The following NRG3 variants were observed in gnomAD, a reference collection of about 807,000 sequenced individuals.
The protein encoded by NRG3 is pro-neuregulin-3, membrane-bound isoform.
Under a neutral mutation model 66.9 loss-of-function variants are expected in NRG3, and 31 were observed. The ratio of observed to expected loss-of-function variants is 0.46; its 90% confidence interval spans 0.35 to 0.63. The LOEUF (loss-of-function observed/expected upper bound fraction) is 0.63. NRG3 is among the 20% of genes least tolerant of loss of function. The pLI is 0.00. For synonymous variants in NRG3, 393 were observed against 359.4 expected (o/e 1.09, Z -1.06); for missense variants, 910 against 878.9 (o/e 1.04, Z -0.45).
intron 2 of NRG3, among the ~76,000 whole-genome samples, chr10:82,615,266 C>A (rs2048570891): frequency 6.6e-6 from 1 of 151,508 alleles, no homozygotes; most frequent in Admixed American, 6.6e-5. Flanking sequence ...GATATGTTAT[C>A]TGATTATAAA....
chr10:82,587,572 G>A (rs2046745432), intron 2 of NRG3, among the ~76,000 whole-genome samples: 1 of 152,166 alleles, frequency 6.6e-6, no homozygotes, highest in African/African-American at 2.4e-5. Flanking sequence ...GCACAAGTCT[G>A]TGGAACAACC....
chr10:81,899,971 C>CT lies in NRG3; in HGVS notation c.823+23821dup, dbSNP rs539816695. 7.4e-3 allele frequency among the ~76,000 whole-genome samples: 1,066 copies of CT among 144,308 alleles called. 6 individuals are homozygous for CT. The highest frequency in any genetic ancestry group is 0.022 in the African/African-American group (879 of 39,696). 94.7% of individuals were successfully genotyped at this position (144,308 alleles called of 152,430 possible). A position where few individuals can be genotyped will look rare whatever the true frequency, so the allele number is the denominator to read the frequency against. On this transcript the variant is annotated intron_variant, in intron 1 of 8. Transcript: ENST00000372141. Reference sequence around the variant, plus strand: ...TGTATGGCACCCTAGGTTTTTCTTTCTTTTTTTTTTTTTCTTTTTATTTTG... The same window carrying CT: ...TGTATGGCACCCTAGGTTTTTCTTTCTTTTTTTTTTTTTTCTTTTTATTTTG...
At chr10:82,132,017 G>C (rs943018228) in intron 1 of NRG3, among the ~76,000 whole-genome samples, 3 of 151,932 alleles carry the variant, frequency 2.0e-5, no homozygotes, top group African/African-American at 7.3e-5. Flanking sequence ...CAAATTGGTT[G>C]CCATTTATTT....
At chr10:82,000,836 A>C (rs2061133746) in intron 1 of NRG3, among the ~76,000 whole-genome samples, 1 of 152,176 alleles carries the variant, frequency 6.6e-6, no homozygotes, top group Admixed American at 6.6e-5. Flanking sequence ...TTCTGTTGCA[A>C]AATTACTCCA....
At chr10:82,400,483 A>G (rs981718090) in intron 2 of NRG3, among the ~76,000 whole-genome samples, 5 of 152,046 alleles carry the variant, frequency 3.3e-5, no homozygotes, top group Non-Finnish European at 7.4e-5. Context: ...CAAGCTTCAG[A>G]TGACACACAT....
At chr10:82,680,411 A>G (rs2054028964) in intron 2 of NRG3, among the ~76,000 whole-genome samples, 1 of 152,220 alleles carries the variant, frequency 6.6e-6, no homozygotes, top group Non-Finnish European at 1.5e-5. Flanking sequence ...TAACCAATCA[A>G]TGTTTGATGA....
At chr10:82,431,790 T>C (rs931909467) in intron 2 of NRG3, among the ~76,000 whole-genome samples, 1 of 152,186 alleles carries the variant, frequency 6.6e-6, no homozygotes, top group Admixed American at 6.6e-5. Context: ...GTTTATCTTC[T>C]TGCTCAAAAT....
intron 1 of NRG3, among the ~76,000 whole-genome samples, chr10:82,067,290 C>A (rs2064532954): frequency 6.6e-6 from 1 of 152,092 alleles, no homozygotes; most frequent in Non-Finnish European, 1.5e-5. Flanking sequence ...CTTTTAAATT[C>A]ATTTATGTTA....
At chr10:82,287,568 G>T (rs1408971048) in intron 1 of NRG3, among the ~76,000 whole-genome samples, 1 of 152,054 alleles carries the variant, frequency 6.6e-6, no homozygotes, top group Admixed American at 6.6e-5. Flanking sequence ...AGGGAGTGGG[G>T]TGAGGGTGGG....
At chr10:82,979,155 G>A in intron 8 of NRG3, 35 bp downstream of exon 8, 2 of 1,605,086 alleles carry the variant, frequency 1.2e-6, no homozygotes. Flanking sequence ...TTTAGGGAGG[G>A]TGTCTTTAAT....
intron 2 of NRG3, among the ~76,000 whole-genome samples, chr10:82,474,283 T>C (rs1040873369): frequency 1.3e-5 from 2 of 151,982 alleles, no homozygotes; most frequent in African/African-American, 4.8e-5. Flanking sequence ...ATATAGGCAC[T>C]GAGCTTACTA....
intron 1 of NRG3, among the ~76,000 whole-genome samples, chr10:81,976,890 C>T (rs979656250): frequency 1.3e-5 from 2 of 152,152 alleles, no homozygotes; most frequent in Non-Finnish European, 2.9e-5. Flanking sequence ...ATCTGATAAA[C>T]TTGTATACAA....
At chr10:82,822,844 AAG>A (rs1044212216) in intron 3 of NRG3, among the ~76,000 whole-genome samples, 2 of 151,842 alleles carry the variant, frequency 1.3e-5, no homozygotes, top group Non-Finnish European at 2.9e-5. Flanking sequence ...AGTGGCCACT[AAG>A]GGGTCTTTCC....
intron 2 of NRG3, among the ~76,000 whole-genome samples, chr10:82,558,943 A>T (rs1282111411): frequency 6.6e-6 from 1 of 152,162 alleles, no homozygotes. Flanking sequence ...CCTTCTAAAA[A>T]TATTAAATAT....
Position 82,985,617 on chromosome 10 carries a change from G to T in NRG3, c.*12G>T, listed in dbSNP as rs749762040. On this transcript the variant is annotated 3_prime_UTR_variant, in exon 9 of 9. Coordinates refer to ENST00000372141, the MANE Select transcript of NRG3 (RefSeq NM_001010848.4). ...CATTGACCAAGTGACTTGAGATGTA[G>T]GAATCTGTGCATTCTATGCTTTGCT... The T allele has an allele frequency of 1.9e-6, 3 of 1,604,178 alleles. No individual in the cohort carries two copies. Among genetic ancestry groups the T allele is most frequent in the Non-Finnish European group, 2.5e-6 (3 of 1,177,958 alleles).
chr10:82,405,491 G>A (rs1018884009), intron 2 of NRG3, among the ~76,000 whole-genome samples: 1 of 135,640 alleles, frequency 7.4e-6, no homozygotes, highest in Non-Finnish European at 1.5e-5. Context: ...GTCTCGCTCT[G>A]TAGCCCAGGC....
chr10:82,018,044 C>A (rs1172306359), intron 1 of NRG3, among the ~76,000 whole-genome samples: 1 of 152,038 alleles, frequency 6.6e-6, no homozygotes, highest in Non-Finnish European at 1.5e-5. Context: ...CCTAGGCTTT[C>A]TTCTAGGGTT....
chr10:82,652,343 G>A (rs1002452476), intron 2 of NRG3, among the ~76,000 whole-genome samples: 2 of 152,130 alleles, frequency 1.3e-5, no homozygotes, highest in East Asian at 1.9e-4. Context: ...GAGGTCACAC[G>A]AATGAATTGA....
chr10:82,207,801 G>C (rs2075196024), intron 1 of NRG3, among the ~76,000 whole-genome samples: 1 of 152,090 alleles, frequency 6.6e-6, no homozygotes, highest in African/African-American at 2.4e-5. Flanking sequence ...GATCTCATGA[G>C]AAGTCACTAG....
Sources: allele counts gnomAD v4.1 joint callset (sites outside exome capture counted in the v4.1 genomes callset), GRCh38; gene constraint gnomAD v4.1.1; transcripts MANE v1.5; gene names NCBI Gene and HGNC (gene_info 2026-07-23, HGNC 2026-07-21).